Variants in RIT2 observed in about 807,000 individuals in gnomAD.
The protein encoded by RIT2 is Ras like without CAAX 2.
In RIT2, 24 loss-of-function variants were observed where a neutral mutation model predicts 23.7. The ratio of observed to expected loss-of-function variants is 1.01; its 90% CI spans 0.73 to 1.43. The LOEUF (loss-of-function observed/expected upper bound fraction) is 1.43. RIT2 is among the 40% of genes most tolerant of loss of function. The pLI, the probability that RIT2 is intolerant of heterozygous loss-of-function variation, is 0.00. For missense variants in RIT2, 236 were observed against 266.9 expected, an observed-to-expected ratio of 0.88 and a Z score of 0.81; for synonymous variants, 107 against 91.1, an observed-to-expected ratio of 1.17 and a Z score of -0.99.
At chr18:42,890,633 A>C (rs879512541) in intron 4 of RIT2, among the ~76,000 whole-genome samples, 17 of 152,024 alleles carry the variant, frequency 1.1e-4, no homozygotes, top group African/African-American at 1.7e-4. Context: ...TAGACGTTCT[A>C]AGAGCCAACA....
At chr18:43,088,302 A>T (rs4273131) in intron 1 of RIT2, among the ~76,000 whole-genome samples, 1 of 152,012 alleles carries the variant, frequency 6.6e-6, no homozygotes, top group Non-Finnish European at 1.5e-5. Context: ...GTAAGAAACA[A>T]TGAAGCCAAA....
intron 4 of RIT2, among the ~76,000 whole-genome samples, chr18:42,747,854 C>T (rs574755992): frequency 2.6e-5 from 4 of 151,968 alleles, no homozygotes; most frequent in Admixed American, 2.6e-4. Flanking sequence ...AATGAAACTG[C>T]ATCCTCATGT....
intron 1 of RIT2, among the ~76,000 whole-genome samples, chr18:43,034,669 C>G (rs1056301644): frequency 1.3e-5 from 2 of 152,086 alleles, no homozygotes; most frequent in African/African-American, 4.8e-5. Context: ...AGGTAAGATC[C>G]TAAGCCTTCT....
intron 4 of RIT2, among the ~76,000 whole-genome samples, chr18:42,916,161 C>T (rs1368693549): frequency 6.6e-6 from 1 of 152,006 alleles, no homozygotes; most frequent in Non-Finnish European, 1.5e-5. Flanking sequence ...TTCTGATTTA[C>T]CAGAACTAGG....
At chr18:43,030,382 G>A (rs1911825936) in intron 2 of RIT2, among the ~76,000 whole-genome samples, 1 of 151,970 alleles carries the variant, frequency 6.6e-6, no homozygotes, top group African/African-American at 2.4e-5. Context: ...GACAGAAAAG[G>A]GCTTGACTAG....
At chr18:42,806,040 G>A (rs939036555) in intron 4 of RIT2, among the ~76,000 whole-genome samples, 14 of 150,198 alleles carry the variant, frequency 9.3e-5, no homozygotes, top group South Asian at 8.4e-4. Flanking sequence ...TTAGGTTCAC[G>A]TCTCATTTCA....
chr18:42,884,908 A>G (rs1277550915), intron 4 of RIT2, among the ~76,000 whole-genome samples: 1 of 152,224 alleles, frequency 6.6e-6, no homozygotes, highest in Non-Finnish European at 1.5e-5. Flanking sequence ...TTTGCACTTA[A>G]AATATCCACC....
intron 4 of RIT2, among the ~76,000 whole-genome samples, chr18:42,822,719 T>A (rs1317439462): frequency 6.6e-6 from 1 of 152,058 alleles, no homozygotes; most frequent in Non-Finnish European, 1.5e-5. Flanking sequence ...ATTTTACATA[T>A]CTGAAGAAAC....
intron 4 of RIT2, among the ~76,000 whole-genome samples, chr18:42,752,265 T>C (rs1315934762): frequency 6.6e-6 from 1 of 152,174 alleles, no homozygotes; most frequent in Non-Finnish European, 1.5e-5. Flanking sequence ...AATTGAGAAC[T>C]AAGGTAATTA....
At chr18:42,765,471 A>G (rs1343346529) in intron 4 of RIT2, among the ~76,000 whole-genome samples, 1 of 152,174 alleles carries the variant, frequency 6.6e-6, no homozygotes, top group East Asian at 1.9e-4. Flanking sequence ...TACAAGTGAG[A>G]TTAAAAGAAA....
intron 1 of RIT2, among the ~76,000 whole-genome samples, chr18:43,112,669 T>C (rs988023185): frequency 8.5e-5 from 13 of 152,138 alleles, no homozygotes; most frequent in Non-Finnish European, 1.8e-4. Flanking sequence ...TTTGGGGGGC[T>C]GAGGCAGGAG....
At chr18:43,016,895 GT>G (rs1911487918) in intron 2 of RIT2, among the ~76,000 whole-genome samples, 1 of 151,840 alleles carries the variant, frequency 6.6e-6, no homozygotes, top group South Asian at 2.1e-4. Flanking sequence ...TATCAACATA[GT>G]AGTTAAAATT....
intron 3 of RIT2, among the ~76,000 whole-genome samples, chr18:42,969,362 TTG>T (rs1249840442): frequency 6.6e-6 from 1 of 152,074 alleles, no homozygotes; most frequent in Non-Finnish European, 1.5e-5. Flanking sequence ...AAAAAATAAA[TTG>T]TGGCTAAAAA....
At chr18:42,885,038 T>C (rs185160178) in intron 4 of RIT2, among the ~76,000 whole-genome samples, 7 of 152,324 alleles carry the variant, frequency 4.6e-5, no homozygotes, top group African/African-American at 1.7e-4. Flanking sequence ...GTTACACCAT[T>C]GGATTAACTC....
chr18:42,998,658 G>C (rs2144238625), intron 2 of RIT2, among the ~76,000 whole-genome samples: 1 of 152,136 alleles, frequency 6.6e-6, no homozygotes, highest in Middle Eastern at 3.4e-3. Context: ...AATATTCAAT[G>C]TCTCAAGAAT....
At chr18:43,066,456 CAGAG>C (rs1421903685) in intron 1 of RIT2, among the ~76,000 whole-genome samples, 2 of 152,270 alleles carry the variant, frequency 1.3e-5, no homozygotes, top group African/African-American at 4.8e-5. Flanking sequence ...ATAAATATTT[CAGAG>C]GATTTCATCT....
At chr18:43,024,716 C>CAAT (rs1911671074) in intron 2 of RIT2, among the ~76,000 whole-genome samples, 2 of 149,202 alleles carry the variant, frequency 1.3e-5, no homozygotes, top group Non-Finnish European at 3.0e-5. Context: ...CAAACAACAA[C>CAAT]AACAACAACA....
chr18:43,004,954 A>G (rs1400046868), intron 2 of RIT2, among the ~76,000 whole-genome samples: 1 of 151,782 alleles, frequency 6.6e-6, no homozygotes, highest in Non-Finnish European at 1.5e-5. Context: ...GAAAGAGGTG[A>G]GAGAGGGGGA....
At chr18:42,744,663 G>A (rs1912876861) in intron 4 of RIT2, among the ~76,000 whole-genome samples, 1 of 152,100 alleles carries the variant, frequency 6.6e-6, no homozygotes, top group Non-Finnish European at 1.5e-5. Flanking sequence ...TCTAGAAGAG[G>A]CACATGCTGG....
Sources: allele counts gnomAD v4.1 joint callset (sites outside exome capture counted in the v4.1 genomes callset), GRCh38; gene constraint gnomAD v4.1.1; transcripts MANE v1.5; gene names NCBI Gene and HGNC (gene_info 2026-07-23, HGNC 2026-07-21).